The following AKT3 variants were observed in gnomAD, a reference collection of about 807,000 sequenced individuals.
AKT3 encodes the protein AKT serine/threonine kinase 3.
In AKT3, 15 loss-of-function variants were observed where a neutral mutation model predicts 65.3. The observed-to-expected ratio is 0.23, with a 90% CI of 0.15 to 0.35. The LOEUF (loss-of-function observed/expected upper bound fraction) is 0.35. Ranked by LOEUF, AKT3 falls within the 10% of genes least tolerant of loss-of-function variation. The pLI, the probability that AKT3 is intolerant of heterozygous loss-of-function variation, is 1.00. For missense variants in AKT3, 243 were observed against 576.5 expected, an observed-to-expected ratio of 0.42 and a Z score of 5.92; for synonymous variants, 206 against 183.8, an observed-to-expected ratio of 1.12 and a Z score of -0.98.
rs1353615597 is a variant in AKT3 at position 243,799,195 on chromosome 1, A to G, written c.46+43930T>C. 2.6e-5 allele frequency among the ~76,000 whole-genome samples: 4 copies of G among 152,216 alleles called. No individual in the cohort carries two copies. The South Asian group carries it at 8.3e-4, about 31-fold the overall frequency. On this transcript the variant is annotated intron_variant, in intron 2 of 13. Coordinates refer to ENST00000673466, the MANE Select transcript of AKT3 (RefSeq NM_005465.7). The stretch of plus-strand genomic sequence containing the variant: ...ATGGGGCTGTGGAAGGTAGGAAAGA[A>G]AGAAAATGGGGAGGGAATGGGTGGG...
intron 11 of AKT3, among the ~76,000 whole-genome samples, chr1:243,549,721 G>A (rs1672913458): frequency 3.3e-5 from 5 of 151,938 alleles, no homozygotes; most frequent in Admixed American, 3.3e-4. Flanking sequence ...CACTGTGCCT[G>A]GCCCCATAAA....
At chr1:243,775,881 GAGAAA>G (rs1409191329) in intron 2 of AKT3, among the ~76,000 whole-genome samples, 1 of 151,984 alleles carries the variant, frequency 6.6e-6, no homozygotes, top group Non-Finnish European at 1.5e-5. Flanking sequence ...AATTAAATCA[GAGAAA>G]AGAAAATAAA....
At chr1:243,524,557 A>G (rs573663575) in intron 12 of AKT3, among the ~76,000 whole-genome samples, 2 of 152,380 alleles carry the variant, frequency 1.3e-5, no homozygotes, top group African/African-American at 4.8e-5. Flanking sequence ...TGAACTAACC[A>G]TAACATTCAC....
chr1:243,549,824 G>C (rs1034313740), intron 11 of AKT3, among the ~76,000 whole-genome samples: 1 of 152,084 alleles, frequency 6.6e-6, no homozygotes, highest in Non-Finnish European at 1.5e-5. Context: ...ACACAAATCT[G>C]ATTATACTAT....
chr1:243,725,624 G>C (rs987683217), intron 2 of AKT3, among the ~76,000 whole-genome samples: 6 of 152,132 alleles, frequency 3.9e-5, no homozygotes, highest in African/African-American at 1.4e-4. Flanking sequence ...TAAGGTCCTT[G>C]TGACAACTAA....
intron 2 of AKT3, among the ~76,000 whole-genome samples, chr1:243,798,393 A>ATTTTTTTTTTTTTTTTTTTTTTTTTT (rs759264137): frequency 1.2e-5 from 1 of 83,310 alleles, no homozygotes; most frequent in Non-Finnish European, 2.1e-5. Context: ...CTAATTTTTA[A>ATTTTTTTTTTTTTTTTTTTTTTTTTT]TTTTTTTTTT....
At position 243,503,034 on chromosome 1, in the gene AKT3, C is replaced by T. The variant is rs7521027; in HGVS notation, c.*2215G>A. 5 of 233,016 alleles carry T rather than the reference C, an allele frequency of 2.1e-5. No individual in the cohort carries two copies. Among genetic ancestry groups the T allele is most frequent in the African/African-American group, 4.4e-5 (2 of 45,206 alleles). The allele number at this position is 233,016 out of a possible 1,614,324, so 14.4% of individuals were successfully genotyped here. A position where few individuals can be genotyped will look rare whatever the true frequency, so the allele number is the denominator to read the frequency against. ...TCTTTCTTATATAATGGATGCAAGA[C>T]AACTTAAAGAACATACCTTCTAGTC... On this transcript the variant is annotated 3_prime_UTR_variant, in exon 14 of 14. Transcript: ENST00000673466.
intron 4 of AKT3, among the ~76,000 whole-genome samples, chr1:243,656,841 T>C (rs1681840536): frequency 6.6e-6 from 1 of 152,216 alleles, no homozygotes; most frequent in African/African-American, 2.4e-5. Flanking sequence ...AAAATGACCT[T>C]TGTCTATATT....
intron 13 of AKT3, among the ~76,000 whole-genome samples, chr1:243,511,539 A>G (rs1670015147): frequency 1.3e-5 from 2 of 152,254 alleles, no homozygotes; most frequent in South Asian, 2.1e-4. Flanking sequence ...AAAGGAAAGA[A>G]AAACTATGAT....
At chr1:243,582,447 CAAA>C (rs59718769) in intron 8 of AKT3, among the ~76,000 whole-genome samples, 1,395 of 101,502 alleles carry the variant, frequency 0.014, 9 homozygotes, top group African/African-American at 0.018. Flanking sequence ...TTAGCTTTCT[CAAA>C]AAAAAAAAAA....
intron 2 of AKT3, among the ~76,000 whole-genome samples, chr1:243,720,907 T>G (rs1686855746): frequency 6.6e-6 from 1 of 152,196 alleles, no homozygotes; most frequent in South Asian, 2.1e-4. Flanking sequence ...CAAATAGGGC[T>G]AATGCTGGAG....
chr1:243,774,238 C>T (rs548661865), intron 2 of AKT3, among the ~76,000 whole-genome samples: 2 of 152,280 alleles, frequency 1.3e-5, no homozygotes, highest in African/African-American at 2.4e-5. Context: ...AAACACCTGC[C>T]ATAGTTCTAC....
rs542446576 is a variant in AKT3 at position 243,771,900 on chromosome 1, C to G, written c.46+71225G>C. ...AATAATACCACACATCTACAACCAT[C>G]TGATCTTTGACAAACCTGACAAAAA... is the stretch of plus-strand genomic sequence containing the variant. On this transcript the variant is annotated intron_variant, in intron 2 of 13. Coordinates refer to ENST00000673466, the MANE Select transcript of AKT3 (RefSeq NM_005465.7). 2.6e-3 allele frequency among the ~76,000 whole-genome samples: 397 copies of G among 152,310 alleles called. 1 individual carries two copies. The highest frequency in any genetic ancestry group is 9.9e-3 in the Admixed American group (152 of 15,300).
chr1:243,644,373 T>G (rs778555085), intron 5 of AKT3, among the ~76,000 whole-genome samples: 6 of 152,160 alleles, frequency 3.9e-5, no homozygotes, highest in Admixed American at 2.0e-4. Flanking sequence ...AACCTAGTGC[T>G]AGAAAGGGAG....
rs544798676 is a variant in AKT3 at position 243,569,213 on chromosome 1, C to T, written c.819+3713G>A. Reference sequence around the variant, plus strand: ...AAGCTAACCTGCAGAAACTGAATGACCATGGAATGCTGAAATTCCAAAAGA... The same window carrying T: ...AAGCTAACCTGCAGAAACTGAATGATCATGGAATGCTGAAATTCCAAAAGA... On this transcript the variant is annotated intron_variant, in intron 9 of 13. Transcript: ENST00000673466. 5.9e-5 allele frequency among the ~76,000 whole-genome samples: 9 copies of T among 152,284 alleles called. No individual in the cohort carries two copies. The South Asian group carries it at 1.9e-3, about 32-fold the overall frequency.
At chr1:243,606,421 G>A (rs1308316727) in intron 8 of AKT3, among the ~76,000 whole-genome samples, 2 of 152,174 alleles carry the variant, frequency 1.3e-5, no homozygotes, top group African/African-American at 4.8e-5. Flanking sequence ...ACTGGTAAGT[G>A]GAGTAAAGGT....
At chr1:243,607,425 A>G (rs11578459) in intron 8 of AKT3, among the ~76,000 whole-genome samples, 79,002 of 152,064 alleles carry the variant, frequency 0.52, 24,017 homozygotes, top group Non-Finnish European at 0.68. Flanking sequence ...TTAAGGTTTA[A>G]TGACTGCACT....
At chr1:243,775,466 C>T (rs1690488288) in intron 2 of AKT3, among the ~76,000 whole-genome samples, 1 of 152,158 alleles carries the variant, frequency 6.6e-6, no homozygotes, top group Non-Finnish European at 1.5e-5. Context: ...GGGCATGAGC[C>T]ACTGCGCCCG....
intron 3 of AKT3, among the ~76,000 whole-genome samples, chr1:243,680,984 C>T (rs2147974444): frequency 6.6e-6 from 1 of 152,248 alleles, no homozygotes; most frequent in South Asian, 2.1e-4. Context: ...GAATTGCCCA[C>T]ACTGGAAAAC....
Sources: allele counts gnomAD v4.1 joint callset (sites outside exome capture counted in the v4.1 genomes callset), GRCh38; gene constraint gnomAD v4.1.1; transcripts MANE v1.5; gene names NCBI Gene and HGNC (gene_info 2026-07-23, HGNC 2026-07-21).